FBXL5: variants seen among roughly 807,000 people sequenced by gnomAD.
FBXL5 encodes the protein F-box/LRR-repeat protein 5.
FBXL5 carries 26 observed loss-of-function variants against 78.3 expected under a neutral mutation model. That is an observed-to-expected ratio of 0.33 (90% CI 0.24 to 0.46). The LOEUF is 0.46. Among genes scored for constraint, FBXL5 ranks in the 20% least tolerant of loss-of-function variants. The pLI is 1.00. For missense variants in FBXL5, 710 were observed against 829.2 expected (o/e 0.86, Z 1.77); for synonymous variants, 295 against 282.5 (o/e 1.04, Z -0.45).
chr4:15,614,864 G>A (rs1711611324), intron 9 of FBXL5, among the ~76,000 whole-genome samples: 1 of 152,164 alleles, frequency 6.6e-6, no homozygotes, highest in Admixed American at 6.5e-5. Flanking sequence ...CCCCTTTCTG[G>A]GCTGGCCAAG....
intron 9 of FBXL5, among the ~76,000 whole-genome samples, chr4:15,617,917 T>C (rs181132891): frequency 6.8e-4 from 103 of 152,116 alleles, no homozygotes; most frequent in African/African-American, 2.3e-3. Context: ...TGGCACACGT[T>C]TACCTACGTA....
upstream of FBXL5, among the ~76,000 whole-genome samples, chr4:15,657,593 A>T (rs1717065067): frequency 6.6e-6 from 1 of 152,262 alleles, no homozygotes; most frequent in African/African-American, 2.4e-5. Flanking sequence ...CACTTTGGAC[A>T]CTGGCCATTT....
chr4:15,612,393 C>A lies in FBXL5; in HGVS notation c.1872G>T (p.Gly624=). 1 of 1,609,832 alleles carries A rather than the reference C, an allele frequency of 6.2e-7. No individual in the cohort carries two copies. The highest frequency in any genetic ancestry group is 8.5e-7 in the Non-Finnish European group (1 of 1,178,350). ...HGLRVLTLGG[G]LPYLEHLNLS... ...GATTAAGGTGCTCCAAATAAGGCAG[C>A]CCTCCTCCCAGAGTCAAAACCCTGT... is the stretch of plus-strand genomic sequence containing the variant. The change falls in exon 10 of 11, where the codon GGG becomes GGT. Residue 624 remains glycine, a synonymous_variant. Coordinates refer to ENST00000341285, the MANE Select transcript of FBXL5 (RefSeq NM_012161.4).
chr4:15,656,177 A>C (rs1304177476), upstream of FBXL5: 1 of 456,070 alleles, frequency 2.2e-6, no homozygotes, highest in Non-Finnish European at 4.4e-6. Flanking sequence ...GAACCTTGGT[A>C]CAAATCCCGC....
At chr4:15,650,656 ACTTT>A (rs757190444) in intron 1 of FBXL5, among the ~76,000 whole-genome samples, 5 of 136,368 alleles carry the variant, frequency 3.7e-5, no homozygotes, top group South Asian at 2.3e-4. Flanking sequence ...TTTATAACTG[ACTTT>A]CTTTTTTTTT....
In FBXL5 at chr4:15,625,670, A is replaced by G. The variant is rs1486254739; in HGVS notation, c.1432T>C (p.Tyr478His). The change falls in exon 9 of 11, where the codon TAT becomes CAT. Residue 478 changes from tyrosine to histidine, a missense_variant. Coordinates refer to ENST00000341285, the MANE Select transcript of FBXL5 (RefSeq NM_012161.4). ...PVSSENFTSP[Y>H]VWMLDAEDLA... ...TCTTCAGCATCTAACATCCACACAT[A>G]AGGAGAAGTGAAATTCTCAGAAGAA... is the stretch of plus-strand genomic sequence containing the variant. 6.2e-7 allele frequency: 1 copy of G among 1,614,222 alleles called. No individual in the cohort carries two copies. Among genetic ancestry groups the G allele is most frequent in the Non-Finnish European group, 8.5e-7 (1 of 1,180,040 alleles).
At chr4:15,644,969 AAAGAG>A (rs1454400176) in intron 1 of FBXL5, among the ~76,000 whole-genome samples, 1 of 152,202 alleles carries the variant, frequency 6.6e-6, no homozygotes, top group African/African-American at 2.4e-5. Flanking sequence ...CGGTTTCTTT[AAAGAG>A]AAGAGATTAA....
chr4:15,611,219 A>G lies in FBXL5; in HGVS notation c.1999+1047T>C, dbSNP rs537459026. On this transcript the variant is annotated intron_variant, in intron 10 of 10. Transcript: ENST00000341285. The stretch of plus-strand genomic sequence containing the variant: ...CCTGCATAACAATGTGATTCCTGAA[A>G]TAAGAGAGCTACCATCTCCAGTTTC... Among the ~76,000 whole-genome samples the G allele has an allele frequency of 1.2e-3, 190 of 152,274 alleles. 2 individuals are homozygous for G. The highest frequency in any genetic ancestry group is 4.4e-3 in the African/African-American group (182 of 41,580).
intron 2 of FBXL5, among the ~76,000 whole-genome samples, chr4:15,644,090 C>T (rs1715149496): frequency 6.6e-6 from 1 of 152,186 alleles, no homozygotes; most frequent in Admixed American, 6.5e-5. Context: ...ATCTCTCAGC[C>T]TTAGTATCTG....
At chr4:15,676,937 G>A (rs1394245216) in intron 1 of FBXL5, among the ~76,000 whole-genome samples, 1 of 152,058 alleles carries the variant, frequency 6.6e-6, no homozygotes, top group Admixed American at 6.6e-5. Flanking sequence ...AGTCACGAAT[G>A]GCCCAATACA....
upstream of FBXL5, among the ~76,000 whole-genome samples, chr4:15,661,836 A>T (rs939833260): frequency 6.6e-6 from 1 of 152,216 alleles, no homozygotes; most frequent in Admixed American, 6.5e-5. Flanking sequence ...TAAAGCTGCG[A>T]TCATCCGATG....
exon 1 of FBXL5, chr4:15,681,458 C>A: frequency 1.2e-5 from 2 of 169,028 alleles, no homozygotes; most frequent in South Asian, 3.4e-4. Flanking sequence ...TCTTTTCGCT[C>A]CCATGGCTCT....
chr4:15,616,597 TA>T (rs1211286264), intron 9 of FBXL5, among the ~76,000 whole-genome samples: 1 of 152,254 alleles, frequency 6.6e-6, no homozygotes, highest in Non-Finnish European at 1.5e-5. Flanking sequence ...TTGAAACTGT[TA>T]CAACAAAGTT....
chr4:15,610,629 C>CA (rs928139202), intron 10 of FBXL5, among the ~76,000 whole-genome samples: 13 of 152,176 alleles, frequency 8.5e-5, no homozygotes, highest in African/African-American at 3.1e-4. Flanking sequence ...TTTATCCCAT[C>CA]ATCTAAATTA....
chr4:15,635,921 G>A (rs987958142), intron 5 of FBXL5, among the ~76,000 whole-genome samples: 32 of 152,080 alleles, frequency 2.1e-4, no homozygotes, highest in African/African-American at 7.0e-4. Context: ...TTACTATAAT[G>A]ATATTAATAT....
chr4:15,633,530 C>A, intron 5 of FBXL5, among the ~76,000 whole-genome samples: 1 of 152,144 alleles, frequency 6.6e-6, no homozygotes, highest in Non-Finnish European at 1.5e-5. Context: ...ATTTATAGAT[C>A]CTGGAGAATG....
chr4:15,630,997 A>G (rs1014692168), intron 5 of FBXL5, among the ~76,000 whole-genome samples: 6 of 152,160 alleles, frequency 3.9e-5, no homozygotes, highest in Non-Finnish European at 7.3e-5. Flanking sequence ...TATATGTGCC[A>G]TGTTGGTTTG....
At position 15,641,969 on chromosome 4, in the gene FBXL5, G is replaced by A. The variant is rs185005764; in HGVS notation, c.301-1086C>T. ...CTTGAACCTGGAAGAAGGAGGTTGCGGTGAGCCGAGATTGCACCACTGCAC... is the reference window on the plus strand; with the variant it reads ...CTTGAACCTGGAAGAAGGAGGTTGCAGTGAGCCGAGATTGCACCACTGCAC... On this transcript the variant is annotated intron_variant, in intron 2 of 10. Transcript: ENST00000341285. Among the ~76,000 whole-genome samples the A allele has an allele frequency of 6.1e-3, 925 of 151,874 alleles. 35 individuals carry two copies. The highest frequency in any genetic ancestry group is 0.05 in the Admixed American group (761 of 15,228).
chr4:15,664,992 A>G (rs897402706), intron 1 of FBXL5, among the ~76,000 whole-genome samples: 7 of 152,154 alleles, frequency 4.6e-5, no homozygotes, highest in Non-Finnish European at 1.0e-4. Context: ...AACTTCAGCA[A>G]AATCTCCCCA....
Sources: allele counts gnomAD v4.1 joint callset (sites outside exome capture counted in the v4.1 genomes callset), GRCh38; gene constraint gnomAD v4.1.1; transcripts MANE v1.5; gene names NCBI Gene and HGNC (gene_info 2026-07-23, HGNC 2026-07-21).